Variants in ELAPOR1 observed in about 807,000 individuals in gnomAD.
ELAPOR1 encodes endosome/lysosome-associated apoptosis and autophagy regulator 1.
Under a neutral mutation model 119.7 loss-of-function variants are expected in ELAPOR1, and 77 were observed. That is an observed-to-expected ratio of 0.64 (90% CI 0.54 to 0.78). The LOEUF (loss-of-function observed/expected upper bound fraction) is 0.78, where lower values mean the gene tolerates loss of function less well. ELAPOR1 is among the 30% of genes least tolerant of loss of function. ELAPOR1 has a pLI of 0.00. For synonymous variants in ELAPOR1, 481 were observed against 487.2 expected (o/e 0.99, Z 0.17); for missense variants, 1,115 against 1,270.4 (o/e 0.88, Z 1.86).
chr1:109,159,971 A>G (rs1651144992), intron 1 of ELAPOR1, among the ~76,000 whole-genome samples: 1 of 152,204 alleles, frequency 6.6e-6, no homozygotes, highest in African/African-American at 2.4e-5. Flanking sequence ...GTGGATTGAC[A>G]TCATATATGT....
chr1:109,118,220 A>T (rs888802646), intron 1 of ELAPOR1, among the ~76,000 whole-genome samples: 3 of 152,182 alleles, frequency 2.0e-5, no homozygotes, highest in Non-Finnish European at 4.4e-5. Flanking sequence ...GCATTTCAGT[A>T]GGCAGAGATG....
intron 1 of ELAPOR1, among the ~76,000 whole-genome samples, chr1:109,114,875 C>T (rs1366763435): frequency 1.3e-5 from 2 of 152,102 alleles, no homozygotes; most frequent in Non-Finnish European, 2.9e-5. Flanking sequence ...TATTAAACAT[C>T]GGTTAGTGCA....
Position 109,191,902 on chromosome 1 carries a change from C to A in ELAPOR1, c.1683+39C>A, listed in dbSNP as rs371222206. The A allele has an allele frequency of 1.5e-5, 24 of 1,610,228 alleles. No individual in the cohort carries two copies. The African/African-American group carries it at 2.9e-4, about 20-fold the overall frequency. ...CTTCCTCAGACCCCCAGGAGAGACC[C>A]TCTGAACCCAGGAGGACTCCTAGCA... On this transcript the variant is annotated intron_variant, in intron 13 of 21. Coordinates refer to ENST00000369939, the MANE Select transcript of ELAPOR1 (RefSeq NM_020775.5).
At chr1:109,167,489 T>C (rs1167525216) in intron 3 of ELAPOR1, among the ~76,000 whole-genome samples, 1 of 152,228 alleles carries the variant, frequency 6.6e-6, no homozygotes, top group Non-Finnish European at 1.5e-5. Flanking sequence ...TTGGCTTTCC[T>C]ATTCAGCTGT....
At chr1:109,159,190 G>T (rs138532124) in intron 1 of ELAPOR1, among the ~76,000 whole-genome samples, 1 of 152,068 alleles carries the variant, frequency 6.6e-6, no homozygotes, top group Admixed American at 6.6e-5. Context: ...ACCGTGCCCC[G>T]CCCTAAGCTT....
intron 1 of ELAPOR1, among the ~76,000 whole-genome samples, chr1:109,149,827 A>T (rs1650418393): frequency 6.6e-6 from 1 of 152,202 alleles, no homozygotes; most frequent in South Asian, 2.1e-4. Flanking sequence ...TTGAAGGATC[A>T]ATGGATCGTT....
intron 1 of ELAPOR1, among the ~76,000 whole-genome samples, chr1:109,129,859 A>G (rs545916765): frequency 6.6e-6 from 1 of 152,352 alleles, no homozygotes; most frequent in Admixed American, 6.5e-5. Context: ...CTGCCTCAAC[A>G]AAGTATCACA....
chr1:109,171,705 C>A (rs931476025), intron 3 of ELAPOR1, among the ~76,000 whole-genome samples, 161 bp from the exon 4 acceptor site: 2 of 152,208 alleles, frequency 1.3e-5, no homozygotes, highest in African/African-American at 4.8e-5. Context: ...CTGAGAGCTT[C>A]TTTTGTCTTT....
chr1:109,121,771 T>C (rs955538732), intron 1 of ELAPOR1, among the ~76,000 whole-genome samples: 5 of 145,426 alleles, frequency 3.4e-5, no homozygotes, highest in African/African-American at 1.1e-4. Flanking sequence ...GCCTGTGTAT[T>C]ACTTTTTTTT....
intron 21 of ELAPOR1, among the ~76,000 whole-genome samples, chr1:109,201,751 G>T (rs1654184274): frequency 6.6e-6 from 1 of 152,172 alleles, no homozygotes; most frequent in South Asian, 2.1e-4. Context: ...TGGGAGAACA[G>T]TTCACCCTGG....
chr1:109,135,005 A>G (rs1235405054), intron 1 of ELAPOR1, among the ~76,000 whole-genome samples: 3 of 152,224 alleles, frequency 2.0e-5, no homozygotes, highest in African/African-American at 4.8e-5. Flanking sequence ...GGACAAGGTA[A>G]GATTTCTGGA....
intron 8 of ELAPOR1, 23 bp downstream of exon 8, chr1:109,185,156 C>A: frequency 7.0e-6 from 11 of 1,572,780 alleles, no homozygotes; most frequent in Non-Finnish European, 9.6e-6. Flanking sequence ...GTCTTGGAGC[C>A]CCTTAGCCCC....
At position 109,152,214 on chromosome 1, in the gene ELAPOR1, G is replaced by A. The variant is rs146257819; in HGVS notation, c.154-9680G>A. On this transcript the variant is annotated intron_variant, in intron 1 of 21. Transcript: ENST00000369939. The stretch of plus-strand genomic sequence containing the variant: ...CTCCCCGAAGAATCTGCTTTTTAGG[G>A]ACTATGAGAGGAGAAGAGAAACTTC... Among the ~76,000 whole-genome samples, 13 of 152,222 alleles carry A rather than the reference G, an allele frequency of 8.5e-5. No individual in the cohort carries two copies. In the East Asian group the frequency reaches 2.1e-3, roughly 25 times the overall value.
At chr1:109,149,844 G>A (rs1385925868) in intron 1 of ELAPOR1, among the ~76,000 whole-genome samples, 2 of 152,198 alleles carry the variant, frequency 1.3e-5, no homozygotes, top group East Asian at 3.8e-4. Context: ...CGTTGAGAGG[G>A]GGGAGCCAAT....
intron 15 of ELAPOR1, 31 bp from the exon 16 acceptor site, chr1:109,197,443 T>A (rs1482885035): frequency 2.5e-6 from 4 of 1,602,392 alleles, no homozygotes; most frequent in African/African-American, 2.7e-5. Flanking sequence ...ACTCACTTCT[T>A]CCTACTTCTT....
chr1:109,175,414 C>T (rs908572246), intron 7 of ELAPOR1, among the ~76,000 whole-genome samples: 5 of 150,824 alleles, frequency 3.3e-5, no homozygotes, highest in African/African-American at 1.2e-4. Flanking sequence ...GTTGGCCAGG[C>T]TGGTCTCGAA....
intron 1 of ELAPOR1, among the ~76,000 whole-genome samples, chr1:109,148,703 G>A (rs531786040): frequency 6.6e-6 from 1 of 152,332 alleles, no homozygotes. Flanking sequence ...TGTCCTTGGA[G>A]AGTTTTGCAT....
intron 1 of ELAPOR1, among the ~76,000 whole-genome samples, chr1:109,130,637 C>T (rs1649101744): frequency 6.6e-6 from 1 of 152,008 alleles, no homozygotes; most frequent in South Asian, 2.1e-4. Flanking sequence ...GCAAGCACTG[C>T]ACCCGGCCAG....
intron 1 of ELAPOR1, among the ~76,000 whole-genome samples, chr1:109,120,514 G>A (rs182652424): frequency 1.3e-5 from 2 of 152,288 alleles, no homozygotes; most frequent in African/African-American, 4.8e-5. Flanking sequence ...CTCACCGGAC[G>A]CCTAATCTGC....
Sources: gnomAD v4.1 joint callset for allele counts (sites outside exome capture counted in the v4.1 genomes callset) on GRCh38, gnomAD v4.1.1 for gene constraint, MANE v1.5 for transcripts, NCBI Gene and HGNC (gene_info 2026-07-23, HGNC 2026-07-21) for gene names.